Variants in CRPPA observed in about 807,000 individuals in gnomAD.
The protein encoded by CRPPA is D-ribitol-5-phosphate cytidylyltransferase.
Under a neutral mutation model 52.0 loss-of-function variants are expected in CRPPA, and 43 were observed. That is an observed-to-expected ratio of 0.83 (90% CI 0.65 to 1.07). The LOEUF is 1.07. Ranked by LOEUF, CRPPA falls within the 50% of genes least tolerant of loss-of-function variation. CRPPA has a pLI of 0.00. For synonymous variants in CRPPA, 250 were observed against 203.5 expected (o/e 1.23, Z -1.94); for missense variants, 629 against 551.7 (o/e 1.14, Z -1.40).
chr7:16,227,625 T>C (rs747918825), intron 8 of CRPPA, among the ~76,000 whole-genome samples: 2 of 151,902 alleles, frequency 1.3e-5, no homozygotes, highest in Admixed American at 6.6e-5. Context: ...TATTAAGCCC[T>C]TATGAGATGT....
chr7:16,257,920 C>A (rs1241202838), intron 8 of CRPPA, among the ~76,000 whole-genome samples: 1 of 151,996 alleles, frequency 6.6e-6, no homozygotes, highest in Non-Finnish European at 1.5e-5. Flanking sequence ...ATAGGCCATT[C>A]TTCCAGGAAT....
intron 1 of CRPPA, among the ~76,000 whole-genome samples, chr7:16,410,310 G>A (rs1425407877): frequency 1.3e-5 from 2 of 152,180 alleles, no homozygotes; most frequent in African/African-American, 2.4e-5. Flanking sequence ...AAGACTAAAC[G>A]TGGGTTGTTC....
At chr7:16,123,609 A>G (rs1782519018) in intron 9 of CRPPA, among the ~76,000 whole-genome samples, 2 of 152,276 alleles carry the variant, frequency 1.3e-5, no homozygotes, top group Admixed American at 1.3e-4. Context: ...AATAGTGATG[A>G]TAAACTCTAA....
intron 8 of CRPPA, among the ~76,000 whole-genome samples, chr7:16,240,518 G>T (rs1023415712): frequency 6.6e-6 from 1 of 151,184 alleles, no homozygotes; most frequent in Admixed American, 6.6e-5. Context: ...AGACAGGAAT[G>T]GAACAGGGAT....
In CRPPA at chr7:16,213,348, T is replaced by TCA. The variant is rs1342967552; in HGVS notation, c.1251+2717_1251+2718insTG. 2.6e-5 allele frequency among the ~76,000 whole-genome samples: 4 copies of TCA among 152,222 alleles called. No homozygotes were observed. In the East Asian group the frequency reaches 7.7e-4, roughly 29 times the overall value. ...AAGATTATACTTTAAAGGGACTTAG[T>TCA]CTAATTTAATTTTGTTACCAAAAAA... is the stretch of plus-strand genomic sequence containing the variant. On this transcript the variant is annotated intron_variant, in intron 9 of 9. Coordinates refer to ENST00000407010, the MANE Select transcript of CRPPA (RefSeq NM_001101426.4).
intron 2 of CRPPA, among the ~76,000 whole-genome samples, chr7:16,398,904 A>C (rs1787701901): frequency 6.6e-6 from 1 of 152,158 alleles, no homozygotes; most frequent in Non-Finnish European, 1.5e-5. Context: ...ATGTCCAACA[A>C]GTGACTGACA....
chr7:16,233,241 G>A (rs559419181), intron 8 of CRPPA, among the ~76,000 whole-genome samples: 2 of 152,224 alleles, frequency 1.3e-5, no homozygotes, highest in Admixed American at 1.3e-4. Flanking sequence ...AGAGTTGCCA[G>A]TAAGTTGGGA....
intron 9 of CRPPA, among the ~76,000 whole-genome samples, chr7:16,188,434 G>A (rs1376738184): frequency 6.6e-6 from 1 of 152,102 alleles, no homozygotes; most frequent in East Asian, 1.9e-4. Flanking sequence ...ATTGAAACAG[G>A]TGCAAAACTA....
intron 3 of CRPPA, among the ~76,000 whole-genome samples, chr7:16,319,403 G>A (rs73684129): frequency 0.099 from 15,082 of 151,990 alleles, 909 homozygotes; most frequent in East Asian, 0.26. Flanking sequence ...CTACATCACC[G>A]TCTTGGAAAG....
intron 3 of CRPPA, among the ~76,000 whole-genome samples, chr7:16,364,288 A>T (rs2128309905): frequency 6.6e-6 from 1 of 152,368 alleles, no homozygotes; most frequent in East Asian, 1.9e-4. Context: ...TATCTTAAAA[A>T]ATAATTTCAA....
rs116029916 is a variant in CRPPA at position 16,204,877 on chromosome 7, A to C, written c.1251+11189T>G. On this transcript the variant is annotated intron_variant, in intron 9 of 9. Coordinates refer to ENST00000407010, the MANE Select transcript of CRPPA (RefSeq NM_001101426.4). ...TTTCCTAAGATTTTTTAAAAATCAT[A>C]ACTTGGTAACGTTTTGGATTCTTAC... Among the ~76,000 whole-genome samples the C allele has an allele frequency of 7.8e-3, 1,187 of 152,324 alleles. 18 individuals are homozygous for C. Among genetic ancestry groups the C allele is most frequent in the African/African-American group, 0.028 (1,145 of 41,572 alleles).
intron 8 of CRPPA, among the ~76,000 whole-genome samples, chr7:16,243,734 G>A (rs1187634823): frequency 6.6e-6 from 1 of 152,154 alleles, no homozygotes; most frequent in East Asian, 1.9e-4. Flanking sequence ...GGGAGGCCAA[G>A]GTGGAAAGAT....
At chr7:16,371,572 T>C (rs1786749601) in intron 3 of CRPPA, among the ~76,000 whole-genome samples, 1 of 150,496 alleles carries the variant, frequency 6.6e-6, no homozygotes, top group Non-Finnish European at 1.5e-5. Context: ...AAAAAATAAA[T>C]TCAAGAACAA....
intron 9 of CRPPA, among the ~76,000 whole-genome samples, chr7:16,153,112 T>C (rs17288304): frequency 0.28 from 43,207 of 152,022 alleles, 7,929 homozygotes; most frequent in Admixed American, 0.4. Flanking sequence ...TTATTTATGC[T>C]TAGCTTTACA....
At chr7:16,234,445 C>T (rs867062275) in intron 8 of CRPPA, among the ~76,000 whole-genome samples, 1 of 151,964 alleles carries the variant, frequency 6.6e-6, no homozygotes, top group Non-Finnish European at 1.5e-5. Context: ...AAATAAAAAA[C>T]GTTTTTCTAA....
rs959548656 is a variant in CRPPA, at chr7:16,120,991, T to C, written c.1252-29192A>G. Among the ~76,000 whole-genome samples the C allele has an allele frequency of 2.0e-5, 3 of 152,030 alleles. No homozygotes were observed. The East Asian group carries it at 5.8e-4, about 29-fold the overall frequency. ...AATATATATTAAATCATCACTGATCTTAAGAAAAAAATGTACATAGAGAAC... is the reference window on the plus strand; with the variant it reads ...AATATATATTAAATCATCACTGATCCTAAGAAAAAAATGTACATAGAGAAC... On this transcript the variant is annotated intron_variant, in intron 9 of 9. Transcript: ENST00000407010.
intron 9 of CRPPA, among the ~76,000 whole-genome samples, chr7:16,167,737 A>C (rs1781097045): frequency 6.6e-6 from 1 of 152,222 alleles, no homozygotes. Context: ...TGAATGTATT[A>C]TGCATACTCC....
chr7:16,365,561 G>C (rs1037834847), intron 3 of CRPPA, among the ~76,000 whole-genome samples: 1 of 151,992 alleles, frequency 6.6e-6, no homozygotes, highest in African/African-American at 2.4e-5. Flanking sequence ...ACATAATAGA[G>C]GCACAAATTA....
At chr7:16,243,982 T>A (rs937472678) in intron 8 of CRPPA, among the ~76,000 whole-genome samples, 2 of 152,032 alleles carry the variant, frequency 1.3e-5, no homozygotes, top group Non-Finnish European at 2.9e-5. Flanking sequence ...AATCAACCAA[T>A]AACCACTTGA....
Sources: gnomAD v4.1 joint callset for allele counts (sites outside exome capture counted in the v4.1 genomes callset) on GRCh38, gnomAD v4.1.1 for gene constraint, MANE v1.5 for transcripts, NCBI Gene and HGNC (gene_info 2026-07-23, HGNC 2026-07-21) for gene names.